Variants in TCF4 observed in about 807,000 individuals in gnomAD.
The protein encoded by TCF4 is SL3-3 enhancer factor 2.
TCF4 carries 3 observed loss-of-function variants against 82.1 expected under a neutral mutation model. The observed-to-expected ratio is 0.04, with a 90% CI of 0.02 to 0.09. The LOEUF (loss-of-function observed/expected upper bound fraction) is 0.09, where lower values mean the gene tolerates loss of function less well. Ranked by LOEUF, TCF4 falls within the 10% of genes least tolerant of loss-of-function variation. The pLI is 1.00. For missense variants in TCF4, 518 were observed against 852.7 expected, an observed-to-expected ratio of 0.61 and a Z score of 4.89; for synonymous variants, 276 against 309.6, an observed-to-expected ratio of 0.89 and a Z score of 1.14.
chr18:55,415,218 T>C (rs2094483753), intron 5 of TCF4, among the ~76,000 whole-genome samples: 1 of 152,178 alleles, frequency 6.6e-6, no homozygotes, highest in South Asian at 2.1e-4. Flanking sequence ...TGCATGTTAT[T>C]TGAACTATCA....
At chr18:55,299,560 A>T (rs1367699010) in intron 8 of TCF4, among the ~76,000 whole-genome samples, 1 of 151,288 alleles carries the variant, frequency 6.6e-6, no homozygotes, top group African/African-American at 2.4e-5. Context: ...TTCAAATGGT[A>T]TAAATTCCTA....
chr18:55,228,191 G>A lies in TCF4; in HGVS notation c.*4+30C>T, dbSNP rs587784457. ...ACACTGATGAGAGTTTTGAATGATC[G>A]ATCTCAGAAATGGCTGAAAACAAAC... On this transcript the variant is annotated intron_variant, in intron 19 of 19. Transcript: ENST00000354452. 2.5e-6 allele frequency: 4 copies of A among 1,613,388 alleles called. No homozygotes were observed. The highest frequency in any genetic ancestry group is 1.7e-5 in the Admixed American group (1 of 59,992).
At chr18:55,304,265 T>C (rs889940855) in intron 8 of TCF4, among the ~76,000 whole-genome samples, 1 of 152,090 alleles carries the variant, frequency 6.6e-6, no homozygotes, top group Non-Finnish European at 1.5e-5. Context: ...TAGGCAAGCA[T>C]ACAGAAATGA....
rs916500831 is a variant in TCF4, at chr18:55,405,768, G to C, written c.305-2250C>G. Among the ~76,000 whole-genome samples, 14 of 152,152 alleles carry C rather than the reference G, an allele frequency of 9.2e-5. 1 individual carries two copies. Among genetic ancestry groups the C allele is most frequent in the African/African-American group, 2.9e-4 (12 of 41,452 alleles). On this transcript the variant is annotated intron_variant, in intron 5 of 19. Coordinates refer to ENST00000354452, the MANE Select transcript of TCF4 (RefSeq NM_001083962.2). ...CAAGAGGTAGGAAAAGAAAGAGGCA[G>C]GAGGGAGAGGAGGAGGAGAAGAATA... is the stretch of plus-strand genomic sequence containing the variant.
intron 3 of TCF4, among the ~76,000 whole-genome samples, chr18:55,580,416 A>G (rs1349136615): frequency 6.6e-6 from 1 of 152,012 alleles, no homozygotes; most frequent in Non-Finnish European, 1.5e-5. Context: ...TAGCTACATA[A>G]AAACATGTTT....
chr18:55,497,907 G>T (rs561085828), intron 3 of TCF4, among the ~76,000 whole-genome samples: 1 of 152,134 alleles, frequency 6.6e-6, no homozygotes, highest in Non-Finnish European at 1.5e-5. Context: ...AATTCATTAT[G>T]ATCAGTGCTA....
intron 3 of TCF4, among the ~76,000 whole-genome samples, chr18:55,474,972 T>C (rs1221304662): frequency 2.6e-5 from 4 of 152,202 alleles, no homozygotes; most frequent in African/African-American, 4.8e-5. Flanking sequence ...TTATATAATA[T>C]GTTGCTTCTG....
intron 6 of TCF4, among the ~76,000 whole-genome samples, chr18:55,387,489 T>C (rs1295385879): frequency 1.3e-5 from 2 of 152,242 alleles, no homozygotes; most frequent in East Asian, 3.8e-4. Context: ...CTCAGACATA[T>C]TAATGATATC....
intron 18 of TCF4, 104 bp from the exon 19 acceptor site, chr18:55,228,465 AT>A: frequency 6.7e-7 from 1 of 1,490,110 alleles, no homozygotes; most frequent in Non-Finnish European, 9.2e-7. Flanking sequence ...CAGTGTTTAT[AT>A]TACAGAACAA....
chr18:55,587,941 CGCGGGAGG>C (rs2097667975), intron 1 of TCF4, 89 bp downstream of exon 1: 1 of 874,708 alleles, frequency 1.1e-6, no homozygotes, highest in South Asian at 5.3e-5. Flanking sequence ...GAGCCCGCGG[CGCGGGAGG>C]CGCGGAGCCG....
intron 6 of TCF4, among the ~76,000 whole-genome samples, chr18:55,355,350 G>A (rs183366943): frequency 7.8e-4 from 118 of 152,186 alleles, no homozygotes; most frequent in Non-Finnish European, 1.4e-3. Context: ...GCACAGAATC[G>A]GGTTTTCAAA....
intron 5 of TCF4, among the ~76,000 whole-genome samples, chr18:55,460,736 A>G (rs1180177204): frequency 6.6e-6 from 1 of 152,190 alleles, no homozygotes; most frequent in East Asian, 1.9e-4. Flanking sequence ...CTGATACAAC[A>G]TTGAAACTGT....
At chr18:55,309,278 ATT>A (rs5825134) in intron 8 of TCF4, among the ~76,000 whole-genome samples, 187 of 144,850 alleles carry the variant, frequency 1.3e-3, no homozygotes, top group African/African-American at 1.2e-3. Flanking sequence ...TGCCTGGCTA[ATT>A]TTTTTTTTTT....
rs1290850050 is a variant in TCF4, at chr18:55,224,804, A to G, written c.*3231T>C. 10 of 152,600 alleles carry G rather than the reference A, an allele frequency of 6.6e-5. No homozygotes were observed. Among genetic ancestry groups the G allele is most frequent in the African/African-American group, 1.7e-4 (7 of 41,440 alleles). 9.5% of individuals were successfully genotyped at this position (152,600 alleles called of 1,614,324 possible). On this transcript the variant is annotated 3_prime_UTR_variant, in exon 20 of 20. Coordinates refer to ENST00000354452, the MANE Select transcript of TCF4 (RefSeq NM_001083962.2). ...AAAATTTCTAGATGAACAGATCCCT[A>G]TTCTGCATATTCATAAATTACTTGA...
intron 15 of TCF4, among the ~76,000 whole-genome samples, chr18:55,243,383 T>C (rs1401146626): frequency 6.6e-6 from 1 of 152,222 alleles, no homozygotes; most frequent in African/African-American, 2.4e-5. Context: ...GGTACCTCAC[T>C]GTATGTGTGT....
intron 3 of TCF4, among the ~76,000 whole-genome samples, chr18:55,480,009 C>A (rs115338131): frequency 1.9e-4 from 29 of 152,162 alleles, no homozygotes; most frequent in African/African-American, 6.5e-4. Flanking sequence ...CTCTGAGCAC[C>A]AAATGTTCTC....
At chr18:55,282,588 T>C (rs1290550094) in intron 8 of TCF4, among the ~76,000 whole-genome samples, 1 of 152,140 alleles carries the variant, frequency 6.6e-6, no homozygotes, top group Non-Finnish European at 1.5e-5. Flanking sequence ...GTTTTTAGTA[T>C]TATTATTCTA....
intron 15 of TCF4, among the ~76,000 whole-genome samples, chr18:55,240,786 T>C (rs2050969801): frequency 6.6e-6 from 1 of 152,256 alleles, no homozygotes. Context: ...TTTTCTTTAG[T>C]ACATGTGATT....
intron 8 of TCF4, among the ~76,000 whole-genome samples, chr18:55,310,014 ATTTTC>A (rs1282351948): frequency 1.3e-5 from 2 of 152,200 alleles, no homozygotes; most frequent in Admixed American, 6.5e-5. Context: ...GAATGTTAAA[ATTTTC>A]TTTTCAGTTG....
Sources: gnomAD v4.1 joint callset for allele counts (sites outside exome capture counted in the v4.1 genomes callset) on GRCh38, gnomAD v4.1.1 for gene constraint, MANE v1.5 for transcripts, NCBI Gene and HGNC (gene_info 2026-07-23, HGNC 2026-07-21) for gene names.